The following KIAA1217 variants were observed in gnomAD, a reference collection of about 807,000 sequenced individuals.
KIAA1217 encodes the protein sickle tail protein homolog.
KIAA1217 carries 88 observed loss-of-function variants against 163.9 expected under a neutral mutation model. The ratio of observed to expected loss-of-function variants is 0.54; its 90% confidence interval spans 0.45 to 0.64. The LOEUF (loss-of-function observed/expected upper bound fraction) is 0.64, where lower values mean the gene tolerates loss of function less well. Ranked by LOEUF, KIAA1217 falls within the 30% of genes least tolerant of loss-of-function variation. The probability of loss-of-function intolerance (pLI) is 0.00; values close to 1 mark genes in which losing one functional copy is unlikely to be tolerated. For synonymous variants in KIAA1217, 903 were observed against 923.1 expected (o/e 0.98, Z 0.39); for missense variants, 2,372 against 2,475.0 (o/e 0.96, Z 0.88).
chr10:24,188,513 G>C (rs1458396489), intron 2 of KIAA1217, among the ~76,000 whole-genome samples: 2 of 152,156 alleles, frequency 1.3e-5, no homozygotes, highest in Non-Finnish European at 2.9e-5. Context: ...ACCTGATTCA[G>C]TGATTATTGT....
chr10:24,394,676 C>A (rs1025040641), intron 3 of KIAA1217, among the ~76,000 whole-genome samples: 10 of 152,152 alleles, frequency 6.6e-5, no homozygotes, highest in Non-Finnish European at 1.0e-4. Flanking sequence ...CACCCAGCCA[C>A]CCCGGACTCC....
At chr10:23,892,881 A>T (rs977736026) in intron 1 of KIAA1217, among the ~76,000 whole-genome samples, 7 of 151,880 alleles carry the variant, frequency 4.6e-5, no homozygotes, top group African/African-American at 1.7e-4. Flanking sequence ...TGGGGTCCCC[A>T]TTCTTCCTGG....
At chr10:23,935,797 T>A (rs920663782) in intron 1 of KIAA1217, among the ~76,000 whole-genome samples, 2 of 152,218 alleles carry the variant, frequency 1.3e-5, no homozygotes, top group Non-Finnish European at 1.5e-5. Flanking sequence ...TAATTAATTT[T>A]TCTTTTGGTG....
At chr10:24,183,357 T>C (rs2066270975) in intron 2 of KIAA1217, among the ~76,000 whole-genome samples, 1 of 152,164 alleles carries the variant, frequency 6.6e-6, no homozygotes, top group South Asian at 2.1e-4. Context: ...AAAGAGGAAA[T>C]AATGGAAAGC....
At position 24,495,191 on chromosome 10, in the gene KIAA1217, G is replaced by A; in HGVS notation, c.1829G>A (p.Ser610Asn). The A allele has an allele frequency of 1.2e-6, 2 of 1,612,476 alleles. No individual in the cohort carries two copies. The highest frequency in any genetic ancestry group is 1.7e-6 in the Non-Finnish European group (2 of 1,179,442). The change falls in exon 8 of 21, where the codon AGT becomes AAT. Residue 610 changes from serine to asparagine, a missense_variant. Coordinates refer to ENST00000376454, the MANE Select transcript of KIAA1217 (RefSeq NM_019590.5). ...KTTANRNHTDSAGTPHVSGGK... is the reference protein window; with the variant it reads ...KTTANRNHTDNAGTPHVSGGK... ...ACAGCCAACAGGAACCACACAGATA[G>A]TGCAGGTAAGTAAGTGTTTTTGGAG...
chr10:24,248,539 C>T (rs1309108134), intron 2 of KIAA1217, among the ~76,000 whole-genome samples: 2 of 151,678 alleles, frequency 1.3e-5, no homozygotes, highest in African/African-American at 2.4e-5. Flanking sequence ...GGCATGGTGG[C>T]GGGTGCCTGT....
At chr10:24,207,505 G>A (rs1250614950), upstream of KIAA1217, among the ~76,000 whole-genome samples, 1 of 152,130 alleles carries the variant, frequency 6.6e-6, no homozygotes, top group Non-Finnish European at 1.5e-5. Flanking sequence ...TTTGCCCAGG[G>A]GCCACCAGGA....
rs1296800287 is a variant in KIAA1217 at position 24,088,284 on chromosome 10, T to C, written c.-171+80910T>C. Among the ~76,000 whole-genome samples, 2 of 111,028 alleles carry C rather than the reference T, an allele frequency of 1.8e-5. 1 individual carries two copies. Among genetic ancestry groups the C allele is most frequent in the Middle Eastern group, 0.011 (2 of 186 alleles). 72.8% of individuals were successfully genotyped at this position (111,028 alleles called of 152,430 possible). A position where few individuals can be genotyped will look rare whatever the true frequency, so the allele number is the denominator to read the frequency against. On this transcript the variant is annotated intron_variant, in intron 2 of 18. Coordinates refer to the KIAA1217 transcript ENST00000376462. ...ATATATATATATATATACACACATA[T>C]ATGTGTATATATATATATATATTTA...
Position 24,472,813 on chromosome 10 carries a change from G to C in KIAA1217, c.847-415G>C, listed in dbSNP as rs1592216892. 3.9e-5 allele frequency among the ~76,000 whole-genome samples: 6 copies of C among 152,218 alleles called. No homozygotes were observed. The South Asian group carries it at 1.2e-3, about 32-fold the overall frequency. ...GCACATCAATATCAATGTGTCGGCA[G>C]GGTCATCCTCCCTCTGGAGGCTCCA... On this transcript the variant is annotated intron_variant, in intron 5 of 20. Coordinates refer to ENST00000376454, the MANE Select transcript of KIAA1217 (RefSeq NM_019590.5).
chr10:23,846,902 A>G (rs917462893), intron 1 of KIAA1217, among the ~76,000 whole-genome samples: 2 of 152,076 alleles, frequency 1.3e-5, no homozygotes, highest in Admixed American at 1.3e-4. Flanking sequence ...ATTTTGAGAT[A>G]TGTTCCATAG....
chr10:24,466,574 G>A, intron 5 of KIAA1217: 1 of 985,214 alleles, frequency 1.0e-6, no homozygotes, highest in Non-Finnish European at 1.2e-6. Flanking sequence ...AATACGAAAT[G>A]GTCTTTATTG....
At chr10:23,807,868 T>C (rs187671854) in intron 1 of KIAA1217, among the ~76,000 whole-genome samples, 1 of 152,138 alleles carries the variant, frequency 6.6e-6, no homozygotes, top group South Asian at 2.1e-4. Flanking sequence ...TGCTGGCAAT[T>C]GGAGTTTTAA....
At chr10:23,793,400 G>T (rs1467273296) in intron 1 of KIAA1217, among the ~76,000 whole-genome samples, 1 of 152,160 alleles carries the variant, frequency 6.6e-6, no homozygotes, top group Admixed American at 6.5e-5. Flanking sequence ...TGGCTTCCTG[G>T]CTGAAGGTTA....
At chr10:23,824,649 AAT>A (rs1491066381) in intron 1 of KIAA1217, among the ~76,000 whole-genome samples, 4,871 of 72,730 alleles carry the variant, frequency 0.067, 213 homozygotes, top group Non-Finnish European at 0.075. Flanking sequence ...AAAAAAAAAA[AAT>A]AAAAAAAATA....
chr10:24,251,400 C>CAAAAAAAAAAAAAAAAAAAAAAAAA (rs55668887), intron 2 of KIAA1217, among the ~76,000 whole-genome samples: 7 of 90,530 alleles, frequency 7.7e-5, no homozygotes, highest in Non-Finnish European at 1.3e-4. Flanking sequence ...GACACTGTCT[C>CAAAAAAAAAAAAAAAAAAAAAAAAA]AAAAAAAAAA....
Position 24,423,735 on chromosome 10 carries a change from C to T in KIAA1217, c.554-9260C>T, listed in dbSNP as rs77588179. ...AGTTTTAGTAGAAATAGGGTTTCACCGTGTTGCCCAGGTTGGTCTCAAATT... is the reference window on the plus strand; with the variant it reads ...AGTTTTAGTAGAAATAGGGTTTCACTGTGTTGCCCAGGTTGGTCTCAAATT... On this transcript the variant is annotated intron_variant, in intron 3 of 20. Transcript: ENST00000376454. Among the ~76,000 whole-genome samples, 457 of 152,234 alleles carry T rather than the reference C, an allele frequency of 3.0e-3. 4 individuals carry two copies. The highest frequency in any genetic ancestry group is 0.01 in the African/African-American group (425 of 41,518).
At chr10:24,217,842 A>T (rs1052743856) in intron 1 of KIAA1217, among the ~76,000 whole-genome samples, 10 of 152,226 alleles carry the variant, frequency 6.6e-5, no homozygotes, top group South Asian at 4.1e-4. Context: ...ACTTATTTTT[A>T]AAAAAATTAG....
intron 1 of KIAA1217, among the ~76,000 whole-genome samples, chr10:23,721,892 G>A (rs1837889122): frequency 6.6e-6 from 1 of 151,896 alleles, no homozygotes; most frequent in South Asian, 2.1e-4. Flanking sequence ...GTGCCTACTA[G>A]ATTTCCTATC....
chr10:24,237,889 T>A (rs566253278), intron 2 of KIAA1217, among the ~76,000 whole-genome samples: 11 of 152,318 alleles, frequency 7.2e-5, no homozygotes, highest in Admixed American at 1.3e-4. Context: ...TAACCTCCCA[T>A]CTGTTGACAG....
Sources: allele counts gnomAD v4.1 joint callset (sites outside exome capture counted in the v4.1 genomes callset), GRCh38; gene constraint gnomAD v4.1.1; transcripts MANE v1.5; gene names NCBI Gene and HGNC (gene_info 2026-07-23, HGNC 2026-07-21).